Variants in CXorf58 observed in about 807,000 individuals in gnomAD.
CXorf58 encodes the protein uncharacterized protein CXorf58.
Under a neutral mutation model 26.0 loss-of-function variants are expected in CXorf58, and 24 were observed. The ratio of observed to expected loss-of-function variants is 0.92; its 90% CI spans 0.67 to 1.30. The LOEUF (loss-of-function observed/expected upper bound fraction) is 1.30. Ranked by LOEUF, CXorf58 falls within the 50% of genes most tolerant of loss-of-function variation. The pLI is 0.00. For synonymous variants in CXorf58, 87 were observed against 86.1 expected (o/e 1.01, Z -0.06); for missense variants, 236 against 263.9 (o/e 0.89, Z 0.73).
At chrX:23,910,760 CTTTTTTTTTT>C (rs779387168) in intron 2 of CXorf58, among the ~76,000 whole-genome samples, 7 of 51,448 alleles carry the variant, frequency 1.4e-4, no homozygotes, top group Admixed American at 5.7e-4. Flanking sequence ...TTTTTCCTTT[CTTTTTTTTTT>C]TTTTTTTTTT....
At chrX:23,937,340 G>T (rs1218175710) in intron 7 of CXorf58, among the ~76,000 whole-genome samples, 1 of 111,284 alleles carries the variant, frequency 9.0e-6, no homozygotes, top group Non-Finnish European at 1.9e-5. Flanking sequence ...TTGGTTAAGG[G>T]TTGCTTAGGA....
At chrX:23,910,870 A>G (rs1294241042) in intron 2 of CXorf58, among the ~76,000 whole-genome samples, 1 of 101,335 alleles carries the variant, frequency 9.9e-6, no homozygotes, top group East Asian at 3.1e-4. Flanking sequence ...GGTTCAAGCG[A>G]TTCTCCTGCC....
At chrX:23,934,694 G>C (rs759580087) in intron 6 of CXorf58, among the ~76,000 whole-genome samples, 1 of 111,218 alleles carries the variant, frequency 9.0e-6, no homozygotes, top group Non-Finnish European at 1.9e-5. Context: ...TTTACATTAG[G>C]TATGTCTCCT....
intron 3 of CXorf58, among the ~76,000 whole-genome samples, chrX:23,914,659 G>A (rs972014316): frequency 9.0e-6 from 1 of 110,973 alleles, no homozygotes; most frequent in Non-Finnish European, 1.9e-5. Context: ...GCTGAGGCGG[G>A]TGGATCACCT....
At chrX:23,936,528 T>G (rs1928300705) in intron 7 of CXorf58, among the ~76,000 whole-genome samples, 4 of 112,199 alleles carry the variant, frequency 3.6e-5, no homozygotes. Flanking sequence ...CTCTTTCCAT[T>G]ACTAAGCCTC....
intron 5 of CXorf58, among the ~76,000 whole-genome samples, chrX:23,920,096 A>T (rs1203951725): frequency 8.9e-6 from 1 of 112,386 alleles, no homozygotes; most frequent in Non-Finnish European, 1.9e-5. Context: ...CTGGGACTGC[A>T]CTGGGTCGGA....
intron 5 of CXorf58, among the ~76,000 whole-genome samples, chrX:23,918,839 A>G (rs1447610836): frequency 8.9e-6 from 1 of 112,240 alleles, no homozygotes; most frequent in African/African-American, 3.2e-5. Context: ...TCCACTGCAT[A>G]TACTATTCTA....
At chrX:23,915,427 A>C (rs1927694689) in intron 3 of CXorf58, among the ~76,000 whole-genome samples, 1 of 111,603 alleles carries the variant, frequency 9.0e-6, no homozygotes, top group Non-Finnish European at 1.9e-5. Flanking sequence ...TTGATAAGTA[A>C]TTATAATATA....
rs765708000 is a variant in CXorf58, at chrX:23,939,326, A to G, written c.*23A>G. ...TGACATTGTGAAAACTAAGGAATCT[A>G]TGTCAGAGTGTCAGCTGGAAAAAGA... On this transcript the variant is annotated 3_prime_UTR_variant, in exon 9 of 9. Transcript: ENST00000379211. 27 of 1,085,664 alleles carry G rather than the reference A, an allele frequency of 2.5e-5. No individual in the cohort carries two copies. Among genetic ancestry groups the G allele is most frequent in the Non-Finnish European group, 3.0e-5 (24 of 798,127 alleles). 89.5% of individuals were successfully genotyped at this position (1,085,664 alleles called of 1,213,427 possible).
At chrX:23,925,764 G>C (rs1927990577) in intron 5 of CXorf58, among the ~76,000 whole-genome samples, 1 of 101,649 alleles carries the variant, frequency 9.8e-6, no homozygotes, top group Non-Finnish European at 2.0e-5. Context: ...AAAGATGTTT[G>C]AATTTTCTTT....
intron 3 of CXorf58, among the ~76,000 whole-genome samples, chrX:23,914,777 CAGG>C (rs1927677055): frequency 9.0e-6 from 1 of 110,925 alleles, no homozygotes; most frequent in Admixed American, 9.6e-5. Flanking sequence ...TCCAGCTACT[CAGG>C]AGGCTGAGCA....
chrX:23,927,034 T>C (rs911493567), intron 5 of CXorf58, among the ~76,000 whole-genome samples: 8 of 111,311 alleles, frequency 7.2e-5, no homozygotes, highest in South Asian at 3.7e-4. Context: ...AAAAAACCTA[T>C]GTAGATAAGG....
intron 6 of CXorf58, among the ~76,000 whole-genome samples, chrX:23,930,853 G>A (rs1334589598): frequency 1.8e-5 from 2 of 111,585 alleles, no homozygotes; most frequent in African/African-American, 3.3e-5. Flanking sequence ...CTCTTCCTCC[G>A]TAAGTTCTGG....
chrX:23,911,040 T>A (rs1410106159), intron 2 of CXorf58, among the ~76,000 whole-genome samples: 1 of 111,142 alleles, frequency 9.0e-6, no homozygotes, highest in Non-Finnish European at 1.9e-5. Flanking sequence ...CTGCTGGAAT[T>A]ACAGGCGTGA....
intron 3 of CXorf58, among the ~76,000 whole-genome samples, chrX:23,914,172 G>C (rs1601957638): frequency 1.8e-5 from 2 of 110,335 alleles, no homozygotes; most frequent in Non-Finnish European, 3.8e-5. Context: ...TGCAACCTCT[G>C]CCTCCCGGGT....
At chrX:23,921,595 T>C (rs1381420634) in intron 5 of CXorf58, among the ~76,000 whole-genome samples, 1 of 112,089 alleles carries the variant, frequency 8.9e-6, no homozygotes, top group African/African-American at 3.2e-5. Context: ...CTTGTAAATA[T>C]GGAATATTTC....
intron 3 of CXorf58, among the ~76,000 whole-genome samples, chrX:23,913,449 A>G (rs1453959074): frequency 9.2e-6 from 1 of 109,198 alleles, no homozygotes; most frequent in Non-Finnish European, 1.9e-5. Context: ...TTGGCCTCCC[A>G]AAGTGCTGGG....
At chrX:23,923,033 GT>G (rs1927909513) in intron 5 of CXorf58, among the ~76,000 whole-genome samples, 2 of 112,175 alleles carry the variant, frequency 1.8e-5, no homozygotes, top group African/African-American at 3.2e-5. Flanking sequence ...TGATTGGCTG[GT>G]ATCCTGGAAT....
intron 2 of CXorf58, among the ~76,000 whole-genome samples, 167 bp downstream of exon 2, chrX:23,910,585 C>T (rs1927549434): frequency 9.0e-6 from 1 of 111,169 alleles, no homozygotes; most frequent in Non-Finnish European, 1.9e-5. Flanking sequence ...ATTTACAAAG[C>T]ATATTAACAC....
Sources: gnomAD v4.1 joint callset for allele counts (sites outside exome capture counted in the v4.1 genomes callset) on GRCh38, gnomAD v4.1.1 for gene constraint, MANE v1.5 for transcripts, NCBI Gene and HGNC (gene_info 2026-07-23, HGNC 2026-07-21) for gene names.